Variants in UNC13C observed in about 807,000 individuals in gnomAD.
The protein encoded by UNC13C is unc-13 homolog C, also known as protein unc-13 homolog C.
In UNC13C, 174 loss-of-function variants were observed where a neutral mutation model predicts 245.4. The ratio of observed to expected loss-of-function variants is 0.71; its 90% CI spans 0.63 to 0.80. The LOEUF (loss-of-function observed/expected upper bound fraction) is 0.80. Among genes scored for constraint, UNC13C ranks in the 30% least tolerant of loss-of-function variants. UNC13C has a pLI of 0.00. For synonymous variants in UNC13C, 992 were observed against 895.1 expected, an observed-to-expected ratio of 1.11 and a Z score of -1.93; for missense variants, 2,829 against 2,602.9, an observed-to-expected ratio of 1.09 and a Z score of -1.89.
chr15:54,414,995 C>T lies in UNC13C; in HGVS notation c.4861C>T (p.Leu1621=). The T allele has an allele frequency of 6.2e-7, 1 of 1,612,642 alleles. No homozygotes were observed. The highest frequency in any genetic ancestry group is 8.5e-7 in the Non-Finnish European group (1 of 1,179,350). The change falls in exon 19 of 33, where the codon CTG becomes TTG. Residue 1621 remains leucine, a synonymous_variant. Coordinates refer to ENST00000260323, the MANE Select transcript of UNC13C (RefSeq NM_001080534.3). ...GTTTGGTTTTAGGTTTCCTCAAGAGCTGAACATGGGAAAAATAAGTGCCGA... is the reference window on the plus strand; with the variant it reads ...GTTTGGTTTTAGGTTTCCTCAAGAGTTGAACATGGGAAAAATAAGTGCCGA... ...TPVLNQFPQE[L]NMGKISAEIM... is the part of the protein sequence containing the mutation.
intron 30 of UNC13C, among the ~76,000 whole-genome samples, chr15:54,595,017 G>A (rs1316568436): frequency 2.0e-5 from 3 of 152,212 alleles, no homozygotes; most frequent in Non-Finnish European, 4.4e-5. Flanking sequence ...TGAGGAAAAG[G>A]ATTAAACAGT....
intron 2 of UNC13C, among the ~76,000 whole-genome samples, chr15:54,073,256 C>T (rs1380385525): frequency 6.6e-6 from 1 of 152,032 alleles, no homozygotes; most frequent in African/African-American, 2.4e-5. Flanking sequence ...GTATATGTGC[C>T]ACATTTTCTT....
intron 19 of UNC13C, among the ~76,000 whole-genome samples, chr15:54,489,850 C>A (rs1469382105): frequency 1.3e-5 from 2 of 152,088 alleles, no homozygotes; most frequent in Non-Finnish European, 2.9e-5. Flanking sequence ...AGAAGCATAT[C>A]ATTTCTTTTC....
intron 2 of UNC13C, among the ~76,000 whole-genome samples, chr15:54,106,090 C>T (rs1287342625): frequency 6.6e-6 from 1 of 152,182 alleles, no homozygotes; most frequent in Non-Finnish European, 1.5e-5. Flanking sequence ...CCTGATAATT[C>T]TGTGTTGGTA....
intron 18 of UNC13C, among the ~76,000 whole-genome samples, chr15:54,412,258 G>T (rs1249178488): frequency 6.6e-6 from 1 of 152,068 alleles, no homozygotes; most frequent in Non-Finnish European, 1.5e-5. Flanking sequence ...AAGGAAAGAG[G>T]TTTAATTGAC....
intron 17 of UNC13C, among the ~76,000 whole-genome samples, chr15:54,365,586 G>A (rs760346010): frequency 2.6e-5 from 4 of 151,718 alleles, no homozygotes; most frequent in East Asian, 1.9e-4. Context: ...TTTGTATTAC[G>A]TAGGAATTTG....
chr15:54,505,648 A>C (rs979110214), intron 22 of UNC13C, among the ~76,000 whole-genome samples: 3 of 151,554 alleles, frequency 2.0e-5, no homozygotes, highest in Admixed American at 2.0e-4. Context: ...TACTTTGCAC[A>C]CTCTCATTCA....
the UNC13C span, among the ~76,000 whole-genome samples, chr15:53,941,210 C>G: frequency 2.0e-5 from 3 of 152,150 alleles, no homozygotes; most frequent in Admixed American, 1.3e-4. Flanking sequence ...AAATGATCCC[C>G]TATTTAATAA....
At chr15:53,933,852 C>T in the UNC13C span, among the ~76,000 whole-genome samples, 1 of 152,294 alleles carries the variant, frequency 6.6e-6, no homozygotes, top group East Asian at 1.9e-4. Context: ...TAGAGAACTT[C>T]TGCAAGAATG....
At chr15:54,029,233 G>C (rs1016786126) in intron 2 of UNC13C, among the ~76,000 whole-genome samples, 9 of 152,214 alleles carry the variant, frequency 5.9e-5, no homozygotes, top group African/African-American at 2.2e-4. Context: ...ATGTGCCTCT[G>C]CCTGTACTCT....
At chr15:53,882,140 G>A in the UNC13C span, among the ~76,000 whole-genome samples, 48 of 152,198 alleles carry the variant, frequency 3.2e-4, 1 homozygote, top group Admixed American at 2.1e-3. Context: ...TTTAAGGTAC[G>A]GAATATGGAA....
intron 2 of UNC13C, among the ~76,000 whole-genome samples, chr15:54,131,543 CT>C (rs2031415476): frequency 6.6e-6 from 1 of 152,174 alleles, no homozygotes; most frequent in Admixed American, 6.5e-5. Context: ...ATGAATTCTG[CT>C]TTGTCCTTCC....
chr15:53,872,812 C>A, the UNC13C span, among the ~76,000 whole-genome samples: 39,386 of 152,124 alleles, frequency 0.26, 6,300 homozygotes, highest in Non-Finnish European at 0.34. Flanking sequence ...TCTCATTATC[C>A]TTCTAGGCTG....
intron 29 of UNC13C, among the ~76,000 whole-genome samples, chr15:54,556,096 C>T (rs1158650839): frequency 6.6e-6 from 1 of 151,838 alleles, no homozygotes; most frequent in Non-Finnish European, 1.5e-5. Context: ...CAAAATGTAA[C>T]CTAGAAGTTA....
intron 25 of UNC13C, 143 bp downstream of exon 25, chr15:54,525,780 C>T (rs940294550): frequency 2.9e-6 from 2 of 696,234 alleles, no homozygotes; most frequent in African/African-American, 3.6e-5. Context: ...TCTGAAACAT[C>T]TGTTATGACC....
chr15:53,870,946 T>G, the UNC13C span, among the ~76,000 whole-genome samples: 1 of 152,042 alleles, frequency 6.6e-6, no homozygotes, highest in Admixed American at 6.6e-5. Flanking sequence ...TTGACAATAG[T>G]GTTGGAGCCA....
At chr15:54,537,124 C>T (rs921357915) in intron 26 of UNC13C, among the ~76,000 whole-genome samples, 1 of 152,034 alleles carries the variant, frequency 6.6e-6, no homozygotes, top group South Asian at 2.1e-4. Context: ...ACAACTTTAG[C>T]AAAGTTTCAG....
intron 2 of UNC13C, among the ~76,000 whole-genome samples, chr15:54,080,620 G>C (rs1170340109): frequency 2.6e-5 from 4 of 151,988 alleles, no homozygotes; most frequent in Admixed American, 2.6e-4. Flanking sequence ...AATGTTCATA[G>C]TAGTCTTTAT....
rs10459617 is a variant in UNC13C at position 54,004,487 on chromosome 15, C to G, written c.-256-8161C>G. On this transcript the variant is annotated intron_variant, in intron 1 of 32. Transcript: ENST00000260323. ...AACAGGCATGGGATTGCAGATATCT[C>G]TTTGATATAAGGATTTCTTTTCTTT... 9.2e-5 allele frequency among the ~76,000 whole-genome samples: 14 copies of G among 152,318 alleles called. No homozygotes were observed. In the East Asian group the frequency reaches 2.5e-3, roughly 27 times the overall value.
Sources: allele counts gnomAD v4.1 joint callset (sites outside exome capture counted in the v4.1 genomes callset), GRCh38; gene constraint gnomAD v4.1.1; transcripts MANE v1.5; gene names NCBI Gene and HGNC (gene_info 2026-07-23, HGNC 2026-07-21).